CCDC171: variants seen among roughly 807,000 people sequenced by gnomAD.
CCDC171 encodes coiled-coil domain containing 171, also known as coiled-coil domain-containing protein 171.
Under a neutral mutation model 168.2 loss-of-function variants are expected in CCDC171, and 177 were observed. The observed-to-expected ratio is 1.05, with a 90% confidence interval of 0.93 to 1.19. The LOEUF is 1.19. CCDC171 is among the 50% of genes most tolerant of loss of function. The probability of loss-of-function intolerance (pLI) is 0.00; values close to 1 mark genes in which losing one functional copy is unlikely to be tolerated. For missense variants in CCDC171, 1,991 were observed against 1,539.0 expected (o/e 1.29, Z -4.91); for synonymous variants, 687 against 540.8 (o/e 1.27, Z -3.75).
chr9:15,899,379 G>A (rs895344103), intron 24 of CCDC171, among the ~76,000 whole-genome samples: 1 of 152,130 alleles, frequency 6.6e-6, no homozygotes, highest in Non-Finnish European at 1.5e-5. Flanking sequence ...CTAGCTATAT[G>A]TAAGTTACAT....
chr9:15,896,520 A>T lies in CCDC171; in HGVS notation c.3600+21857A>T, dbSNP rs1163091384. Among the ~76,000 whole-genome samples, 7 of 152,200 alleles carry T rather than the reference A, an allele frequency of 4.6e-5. No homozygotes were observed. In the East Asian group the frequency reaches 1.4e-3, roughly 29 times the overall value. On this transcript the variant is annotated intron_variant, in intron 24 of 25. Coordinates refer to ENST00000380701, the MANE Select transcript of CCDC171 (RefSeq NM_173550.4). ...TGAACTTAGATTCTCTTTTTCTTGT[A>T]TAAAATAACACCAACAAAACAGCTG...
chr9:15,688,472 A>G (rs937475469), intron 10 of CCDC171, among the ~76,000 whole-genome samples: 4 of 152,190 alleles, frequency 2.6e-5, no homozygotes, highest in East Asian at 1.9e-4. Context: ...AATTCTCAAA[A>G]CTATACTAGC....
chr9:15,801,656 T>G (rs115166224), intron 21 of CCDC171, among the ~76,000 whole-genome samples: 1 of 152,008 alleles, frequency 6.6e-6, no homozygotes, highest in South Asian at 2.1e-4. Flanking sequence ...TACTATGTCA[T>G]GTAACAGTGG....
chr9:15,634,561 G>A (rs1227482094), intron 7 of CCDC171, among the ~76,000 whole-genome samples: 2 of 152,076 alleles, frequency 1.3e-5, no homozygotes, highest in African/African-American at 2.4e-5. Context: ...TGAGGGCTAG[G>A]GTAGGGTATT....
At chr9:15,738,014 A>T (rs1588213283) in intron 16 of CCDC171, among the ~76,000 whole-genome samples, 1 of 152,322 alleles carries the variant, frequency 6.6e-6, no homozygotes, top group East Asian at 1.9e-4. Flanking sequence ...ATATTTTTAA[A>T]TATTACCATA....
intron 25 of CCDC171, among the ~76,000 whole-genome samples, chr9:15,934,821 C>G (rs1331534403): frequency 1.3e-5 from 2 of 151,924 alleles, no homozygotes; most frequent in Non-Finnish European, 2.9e-5. Flanking sequence ...TAAAATTCAG[C>G]AATAAGAAGG....
chr9:15,906,534 G>C (rs1822640091), intron 24 of CCDC171, among the ~76,000 whole-genome samples: 1 of 152,112 alleles, frequency 6.6e-6, no homozygotes, highest in Non-Finnish European at 1.5e-5. Flanking sequence ...AACATAATAA[G>C]AGCTATCTAT....
At chr9:15,879,687 A>G (rs1017375921) in intron 24 of CCDC171, among the ~76,000 whole-genome samples, 2 of 152,152 alleles carry the variant, frequency 1.3e-5, no homozygotes, top group Non-Finnish European at 2.9e-5. Context: ...GCTCTGCTAC[A>G]TGGCTCTACC....
At chr9:15,642,280 T>G (rs925029671) in intron 7 of CCDC171, among the ~76,000 whole-genome samples, 1 of 145,522 alleles carries the variant, frequency 6.9e-6, no homozygotes, top group Non-Finnish European at 1.5e-5. Flanking sequence ...TGAACATATA[T>G]GTGTGTGTGT....
intron 25 of CCDC171, among the ~76,000 whole-genome samples, chr9:15,969,006 G>C (rs1006748970): frequency 1.3e-5 from 2 of 152,030 alleles, no homozygotes; most frequent in Non-Finnish European, 2.9e-5. Context: ...TATACTTTTG[G>C]GGGGTACAAG....
At chr9:15,775,922 A>G (rs896907723) in intron 18 of CCDC171, among the ~76,000 whole-genome samples, 21 of 152,216 alleles carry the variant, frequency 1.4e-4, no homozygotes, top group African/African-American at 5.1e-4. Flanking sequence ...AAAGACACAG[A>G]TAAATAATTG....
chr9:15,805,955 A>G (rs1419546761), intron 21 of CCDC171, among the ~76,000 whole-genome samples: 3 of 152,088 alleles, frequency 2.0e-5, no homozygotes, highest in African/African-American at 2.4e-5. Flanking sequence ...TTGTGTGTAT[A>G]TATATTTAGT....
At chr9:15,908,924 A>G (rs1171843081) in intron 24 of CCDC171, among the ~76,000 whole-genome samples, 1 of 152,162 alleles carries the variant, frequency 6.6e-6, no homozygotes, top group Admixed American at 6.5e-5. Flanking sequence ...ACTGGGGATT[A>G]CAATTCAACA....
Position 15,593,149 on chromosome 9 carries a change from A to C in CCDC171, c.544-892A>C, listed in dbSNP as rs532129793. Among the ~76,000 whole-genome samples, 11 of 152,190 alleles carry C rather than the reference A, an allele frequency of 7.2e-5. No individual in the cohort carries two copies. The East Asian group carries it at 2.1e-3, about 29-fold the overall frequency. On this transcript the variant is annotated intron_variant, in intron 5 of 25. Transcript: ENST00000380701. Reference sequence around the variant, plus strand: ...GCCCTTGGGGGAAAAAAAAGCCTCAAGGCTCTTTGTGAAAGCTTTCTTTCT... The same window carrying C: ...GCCCTTGGGGGAAAAAAAAGCCTCACGGCTCTTTGTGAAAGCTTTCTTTCT...
intron 23 of CCDC171, among the ~76,000 whole-genome samples, chr9:15,867,542 C>G (rs1399730932): frequency 6.6e-6 from 1 of 152,000 alleles, no homozygotes; most frequent in African/African-American, 2.4e-5. Flanking sequence ...GGTGTTAACA[C>G]AGCTGGCTTG....
At chr9:15,951,965 C>A (rs1349540539) in intron 25 of CCDC171, among the ~76,000 whole-genome samples, 2 of 152,100 alleles carry the variant, frequency 1.3e-5, no homozygotes, top group Non-Finnish European at 2.9e-5. Context: ...AGCTTTCACC[C>A]TGTGTTTTCT....
intron 21 of CCDC171, among the ~76,000 whole-genome samples, chr9:15,822,426 C>G (rs199874129): frequency 2.0e-5 from 3 of 151,592 alleles, no homozygotes; most frequent in African/African-American, 4.9e-5. Context: ...ATTTTTGCAA[C>G]CTACTCATCT....
At chr9:15,878,950 C>T (rs1026395960) in intron 24 of CCDC171, among the ~76,000 whole-genome samples, 1 of 151,948 alleles carries the variant, frequency 6.6e-6, no homozygotes, top group African/African-American at 2.4e-5. Context: ...AAGAGGGGAA[C>T]AATTGGGGCC....
At chr9:15,854,002 A>G (rs141024117) in intron 23 of CCDC171, among the ~76,000 whole-genome samples, 120 of 142,742 alleles carry the variant, frequency 8.4e-4, no homozygotes, top group African/African-American at 3.0e-3. Flanking sequence ...TTGGTTTGCT[A>G]GGTTTTTTTT....
Sources: allele counts gnomAD v4.1 joint callset (sites outside exome capture counted in the v4.1 genomes callset), GRCh38; gene constraint gnomAD v4.1.1; transcripts MANE v1.5; gene names NCBI Gene and HGNC (gene_info 2026-07-23, HGNC 2026-07-21).